The following ADAP2 variants were observed in gnomAD, a reference collection of about 807,000 sequenced individuals.
The protein encoded by ADAP2 is arf-GAP with dual PH domain-containing protein 2.
ADAP2 carries 42 observed loss-of-function variants against 54.9 expected under a neutral mutation model. That is an observed-to-expected ratio of 0.77 (90% CI 0.60 to 0.99). ADAP2 has a LOEUF of 0.99. Ranked by LOEUF, ADAP2 falls within the 50% of genes least tolerant of loss-of-function variation. The pLI, the probability that ADAP2 is intolerant of heterozygous loss-of-function variation, is 0.00. For synonymous variants in ADAP2, 177 were observed against 180.1 expected (o/e 0.98, Z 0.14); for missense variants, 429 against 480.4 (o/e 0.89, Z 1.00).
chr17:30,946,025 G>C (rs1912646840), intron 6 of ADAP2, among the ~76,000 whole-genome samples: 1 of 151,126 alleles, frequency 6.6e-6, no homozygotes, highest in Non-Finnish European at 1.5e-5. Context: ...CATGGTGGCA[G>C]GTGCCTGTAG....
chr17:30,941,969 G>C (rs1038885283), intron 5 of ADAP2, among the ~76,000 whole-genome samples: 1 of 151,692 alleles, frequency 6.6e-6, no homozygotes, highest in Non-Finnish European at 1.5e-5. Flanking sequence ...GCAGTGGTGC[G>C]ATCTTGGCTC....
At chr17:30,927,756 G>T (rs1911172817) in intron 3 of ADAP2, among the ~76,000 whole-genome samples, 1 of 152,110 alleles carries the variant, frequency 6.6e-6, no homozygotes, top group Non-Finnish European at 1.5e-5. Context: ...ACAATGGCCA[G>T]TGCCTGTAAT....
intron 7 of ADAP2, among the ~76,000 whole-genome samples, chr17:30,953,050 G>A (rs1409127157): frequency 2.0e-5 from 3 of 152,136 alleles, no homozygotes; most frequent in Non-Finnish European, 4.4e-5. Flanking sequence ...GTTACTGAAG[G>A]AATCCTTAAA....
intron 5 of ADAP2, among the ~76,000 whole-genome samples, chr17:30,942,215 C>A (rs896061149): frequency 1.3e-5 from 2 of 151,994 alleles, no homozygotes; most frequent in African/African-American, 4.8e-5. Context: ...AAACTTAATA[C>A]GGGTACACTT....
rs765809462 is a variant in ADAP2 at position 30,922,935 on chromosome 17, T to A, written c.95-5T>A. 1 of 1,613,546 alleles carries A rather than the reference T, an allele frequency of 6.2e-7. No individual in the cohort carries two copies. The highest frequency in any genetic ancestry group is 8.5e-7 in the Non-Finnish European group (1 of 1,179,870). On this transcript the variant is annotated splice_polypyrimidine_tract_variant and splice_region_variant and intron_variant, in intron 1 of 10. Transcript: ENST00000330889. ...TCAGCTCCTCTCCTGCCTCATCCCC[T>A]GCAGATCCCGACTGGGCCTCTTACA...
At chr17:30,955,937 G>A (rs1330922302) in intron 9 of ADAP2, among the ~76,000 whole-genome samples, 1 of 151,952 alleles carries the variant, frequency 6.6e-6, no homozygotes, top group Non-Finnish European at 1.5e-5. Context: ...TGTAGAGAAG[G>A]GGTCTCACTA....
At position 30,931,981 on chromosome 17, in the gene ADAP2, C is replaced by T. The variant is rs760647981; in HGVS notation, c.397+13C>T. 8.1e-6 allele frequency: 13 copies of T among 1,611,536 alleles called. No individual in the cohort carries two copies. In the African/African-American group the frequency reaches 1.1e-4, roughly 13 times the overall value. On this transcript the variant is annotated intron_variant, in intron 4 of 10. Transcript: ENST00000330889. ...ATCTCGCTCCCAGGTAAAGTTATTTCCATCACCTTTTGAAATCTATGTTTT... is the reference window on the plus strand; with the variant it reads ...ATCTCGCTCCCAGGTAAAGTTATTTTCATCACCTTTTGAAATCTATGTTTT...
At chr17:30,932,580 C>CTTT (rs544534572) in intron 4 of ADAP2, among the ~76,000 whole-genome samples, 1 of 137,132 alleles carries the variant, frequency 7.3e-6, no homozygotes, top group African/African-American at 2.7e-5. Flanking sequence ...TCTTCTTCTT[C>CTTT]TTTTTTTTTT....
At chr17:30,937,143 C>A (rs1283807516) in intron 5 of ADAP2, among the ~76,000 whole-genome samples, 1 of 151,608 alleles carries the variant, frequency 6.6e-6, no homozygotes, top group Non-Finnish European at 1.5e-5. Flanking sequence ...CCAGGCTGGT[C>A]TTGAATTTCC....
At chr17:30,952,563 G>C (rs916703936) in intron 7 of ADAP2, among the ~76,000 whole-genome samples, 1 of 152,008 alleles carries the variant, frequency 6.6e-6, no homozygotes, top group Non-Finnish European at 1.5e-5. Flanking sequence ...TTTGGTAAAG[G>C]TGGGGTTTCG....
Position 30,934,251 on chromosome 17 carries a change from T to C in ADAP2, c.464T>C (p.Val155Ala). 6.2e-7 allele frequency: 1 copy of C among 1,614,160 alleles called. No homozygotes were observed. Among genetic ancestry groups the C allele is most frequent in the Non-Finnish European group, 8.5e-7 (1 of 1,180,000 alleles). The change falls in exon 5 of 11, where the codon GTA (valine) becomes GCA (alanine). Residue 155 changes from valine (V) to alanine (A), a missense_variant. By Grantham distance (64) the Val-to-Ala change is moderately conservative (BLOSUM62 0). Transcript: ENST00000330889. Reference sequence around the variant, plus strand: ...TCACAGTTTCTGAGAAGGAAGTTTGTACTTCTGGCAAGAGAAGGCCTCCTG... The same window carrying C: ...TCACAGTTTCTGAGAAGGAAGTTTGCACTTCTGGCAAGAGAAGGCCTCCTG... ...DNSQFLRRKF[V>A]LLAREGLLKY...
rs201254965 is a variant in ADAP2, at chr17:30,957,420, G to GT, written c.1112-404dup. Among the ~76,000 whole-genome samples, 176 of 143,646 alleles carry GT rather than the reference G, an allele frequency of 1.2e-3. No homozygotes were observed. The East Asian group carries it at 0.013, about 10-fold the overall frequency. 94.2% of individuals were successfully genotyped at this position (143,646 alleles called of 152,430 possible). On this transcript the variant is annotated intron_variant, in intron 10 of 10. Transcript: ENST00000330889. ...TTATTCTGGCTCCCTCTGTCTTTGT[G>GT]TTTTTTTTTTTAATTTTCTTTTTTT... is the stretch of plus-strand genomic sequence containing the variant.
chr17:30,944,177 GCAAA>G lies in ADAP2; in HGVS notation c.511-729_511-726del, dbSNP rs545384479. Among the ~76,000 whole-genome samples the G allele has an allele frequency of 1.1e-4, 17 of 152,170 alleles. No homozygotes were observed. In the South Asian group the frequency reaches 3.3e-3, roughly 30 times the overall value. ...GTTGCACTCCAGCTGGGCAGCAAGA[GCAAA>G]ACAAAACAAAAATAAAAACAAAGAA... On this transcript the variant is annotated intron_variant, in intron 5 of 10. Transcript: ENST00000330889.
At chr17:30,952,812 C>T (rs1022519519) in intron 7 of ADAP2, among the ~76,000 whole-genome samples, 1 of 152,170 alleles carries the variant, frequency 6.6e-6, no homozygotes, top group Non-Finnish European at 1.5e-5. Context: ...GTCATTGGCC[C>T]TGGGCCTGAA....
rs775037347 is a variant in ADAP2 at position 30,926,895 on chromosome 17, C to T, written c.294C>T (p.Tyr98=). 1 of 1,614,174 alleles carries T rather than the reference C, an allele frequency of 6.2e-7. No homozygotes were observed. Among genetic ancestry groups the T allele is most frequent in the South Asian group, 1.1e-5 (1 of 91,082 alleles). ...KFEARVPAFY[Y]IPQANDCLVL... Reference sequence around the variant, plus strand: ...AAGCCAGAGTCCCAGCTTTCTACTACATCCCCCAGGCCAACGACTGCCTGT... The same window carrying T: ...AAGCCAGAGTCCCAGCTTTCTACTATATCCCCCAGGCCAACGACTGCCTGT... The change falls in exon 3 of 11, where the codon TAC becomes TAT. Residue 98 remains tyrosine, a synonymous_variant. Transcript: ENST00000330889.
intron 1 of ADAP2, among the ~76,000 whole-genome samples, chr17:30,922,559 C>T (rs975373191): frequency 6.6e-6 from 1 of 152,150 alleles, no homozygotes; most frequent in Non-Finnish European, 1.5e-5. Flanking sequence ...TGCCCCCTGC[C>T]CGCTCCCAGA....
chr17:30,949,086 G>A (rs1405057199), intron 6 of ADAP2, among the ~76,000 whole-genome samples: 3 of 152,178 alleles, frequency 2.0e-5, no homozygotes, highest in African/African-American at 7.2e-5. Context: ...CCTGTCAGAG[G>A]CTTCCTGCTT....
In ADAP2 at chr17:30,949,360, CAG is replaced by C. The variant is rs1299501966; in HGVS notation, c.734_735del (p.Glu245ValfsTer2). On this transcript the variant is annotated frameshift_variant, in exon 7 of 11. Coordinates refer to ENST00000330889, the MANE Select transcript of ADAP2 (RefSeq NM_018404.3). LOFTEE classifies it high-confidence loss of function. ...CTAAAAATGGCCTTTCCTGAACTCC[CAG>C]AGTCTGAGGTGAGCTAAATGCGGAC... is the stretch of plus-strand genomic sequence containing the variant. The C allele has an allele frequency of 1.2e-6, 2 of 1,614,054 alleles. No homozygotes were observed. The highest frequency in any genetic ancestry group is 4.5e-5 in the East Asian group (2 of 44,864).
intron 5 of ADAP2, among the ~76,000 whole-genome samples, chr17:30,938,995 T>C (rs1961646924): frequency 6.6e-6 from 1 of 152,152 alleles, no homozygotes; most frequent in South Asian, 2.1e-4. Flanking sequence ...AAAAGGTCTG[T>C]CCAATGTGGC....
Sources: gnomAD v4.1 joint callset for allele counts (sites outside exome capture counted in the v4.1 genomes callset) on GRCh38, gnomAD v4.1.1 for gene constraint, MANE v1.5 for transcripts, NCBI Gene and HGNC (gene_info 2026-07-23, HGNC 2026-07-21) for gene names.